Variants in LUZP2 observed in about 807,000 individuals in gnomAD.
The protein encoded by LUZP2 is leucine zipper protein 2.
LUZP2 carries 52 observed loss-of-function variants against 51.6 expected under a neutral mutation model. The observed-to-expected ratio is 1.01, with a 90% CI of 0.81 to 1.27. LUZP2 has a LOEUF of 1.27. LUZP2 is among the 50% of genes most tolerant of loss of function. The pLI is 0.00. For synonymous variants in LUZP2, 154 were observed against 137.3 expected (o/e 1.12, Z -0.85); for missense variants, 436 against 395.4 (o/e 1.10, Z -0.87).
chr11:24,635,187 T>TA (rs11307499), intron 1 of LUZP2, among the ~76,000 whole-genome samples: 4 of 151,032 alleles, frequency 2.6e-5, no homozygotes, highest in African/African-American at 7.3e-5. Context: ...TAAATACAAA[T>TA]AAAAAAAAAT....
chr11:24,711,532 C>A (rs75705076), intron 1 of LUZP2, among the ~76,000 whole-genome samples: 22,253 of 151,986 alleles, frequency 0.15, 1,737 homozygotes, highest in Middle Eastern at 0.18. Context: ...GGGAGTCATG[C>A]AGTGACTGCC....
At chr11:24,959,880 T>C (rs1855340179) in intron 7 of LUZP2, among the ~76,000 whole-genome samples, 2 of 152,196 alleles carry the variant, frequency 1.3e-5, no homozygotes, top group African/African-American at 4.8e-5. Flanking sequence ...ATGATATTGC[T>C]GTGGGTTTGT....
chr11:25,050,454 G>A (rs4922704), intron 10 of LUZP2, among the ~76,000 whole-genome samples: 69,009 of 151,288 alleles, frequency 0.46, 16,241 homozygotes, highest in Non-Finnish European at 0.49. Context: ...ACAGGCGCCC[G>A]CCACCGCGCT....
chr11:24,665,499 A>G (rs1007550859), intron 1 of LUZP2, among the ~76,000 whole-genome samples: 3 of 152,172 alleles, frequency 2.0e-5, no homozygotes, highest in Non-Finnish European at 4.4e-5. Context: ...GGTCAGGGGC[A>G]GAATAATATA....
chr11:24,614,534 A>G (rs1174688400), intron 1 of LUZP2, among the ~76,000 whole-genome samples: 1 of 152,052 alleles, frequency 6.6e-6, no homozygotes, highest in Non-Finnish European at 1.5e-5. Flanking sequence ...CTGCATATTC[A>G]GTACGGCTTA....
chr11:24,947,200 G>A (rs928067554), intron 7 of LUZP2, among the ~76,000 whole-genome samples: 10 of 151,920 alleles, frequency 6.6e-5, no homozygotes, highest in Admixed American at 5.9e-4. Flanking sequence ...TGAAAAATGA[G>A]CATATTATTA....
At chr11:24,704,630 GAACTT>G (rs1274941176) in intron 1 of LUZP2, among the ~76,000 whole-genome samples, 1 of 151,820 alleles carries the variant, frequency 6.6e-6, no homozygotes, top group Non-Finnish European at 1.5e-5. Context: ...ATATATGAGA[GAACTT>G]AAATAAGTGC....
At chr11:24,619,005 A>ATTATTAT (rs1205946436) in intron 1 of LUZP2, among the ~76,000 whole-genome samples, 9 of 143,948 alleles carry the variant, frequency 6.3e-5, no homozygotes, top group East Asian at 4.2e-4. Flanking sequence ...ACCACTTAGC[A>ATTATTAT]TTATTTATTT....
chr11:24,662,471 CATTA>C (rs1481865665), intron 1 of LUZP2, among the ~76,000 whole-genome samples: 2 of 152,020 alleles, frequency 1.3e-5, no homozygotes, highest in South Asian at 2.1e-4. Flanking sequence ...ATATCTCTCC[CATTA>C]ATTAACAAAA....
In LUZP2 at chr11:24,706,424, G is replaced by A. The variant is rs562193466; in HGVS notation, c.63-22745G>A. ...CCCCCTGGGAAGAAGCAAATCCAGT[G>A]TCTATTTCCTGTTAGTAGCACCCAC... On this transcript the variant is annotated intron_variant, in intron 1 of 11. Transcript: ENST00000336930. Among the ~76,000 whole-genome samples the A allele has an allele frequency of 2.6e-5, 4 of 152,194 alleles. No homozygotes were observed. In the East Asian group the frequency reaches 7.7e-4, roughly 29 times the overall value.
intron 1 of LUZP2, among the ~76,000 whole-genome samples, chr11:24,632,746 C>T (rs1030026585): frequency 1.9e-4 from 29 of 151,946 alleles, no homozygotes; most frequent in African/African-American, 6.5e-4. Context: ...CAAGAGGAGA[C>T]TGGATTGTTC....
intron 1 of LUZP2, among the ~76,000 whole-genome samples, chr11:24,692,180 T>C (rs537862789): frequency 6.6e-4 from 100 of 152,056 alleles, no homozygotes; most frequent in African/African-American, 2.2e-3. Context: ...TAAAGCAATC[T>C]AATATTTTAC....
rs184837580 is a variant in LUZP2 at position 24,914,402 on chromosome 11, T to C, written c.460-74T>C. The stretch of plus-strand genomic sequence containing the variant: ...GGCTGCAAAATGTATTCCTGTGAAG[T>C]CTGAAAGTATTTTAATCTTCAAGTT... On this transcript the variant is annotated intron_variant, in intron 6 of 11. Transcript: ENST00000336930. The C allele has an allele frequency of 4.4e-5, 49 of 1,102,240 alleles. No individual in the cohort carries two copies. The East Asian group carries it at 1.1e-3, about 25-fold the overall frequency. The allele number at this position is 1,102,240 out of a possible 1,614,324, so 68.3% of individuals were successfully genotyped here. A position where few individuals can be genotyped will look rare whatever the true frequency, so the allele number is the denominator to read the frequency against.
intron 10 of LUZP2, among the ~76,000 whole-genome samples, chr11:25,061,347 T>C (rs936225300): frequency 6.6e-6 from 1 of 152,204 alleles, no homozygotes; most frequent in African/African-American, 2.4e-5. Context: ...AGTTGGCAGT[T>C]TATTGCCAGA....
intron 7 of LUZP2, among the ~76,000 whole-genome samples, chr11:24,922,751 A>T (rs1189382363): frequency 6.9e-6 from 1 of 144,598 alleles, no homozygotes; most frequent in African/African-American, 2.5e-5. Flanking sequence ...TATCTTATGG[A>T]TTAGAAAACC....
intron 4 of LUZP2, among the ~76,000 whole-genome samples, chr11:24,758,271 C>T (rs928057823): frequency 2.0e-5 from 3 of 151,894 alleles, no homozygotes; most frequent in Non-Finnish European, 4.4e-5. Context: ...TATGTTCTAA[C>T]TCAGAAACCA....
At chr11:24,622,485 A>G (rs1455877992) in intron 1 of LUZP2, among the ~76,000 whole-genome samples, 3 of 151,972 alleles carry the variant, frequency 2.0e-5, no homozygotes, top group African/African-American at 7.2e-5. Flanking sequence ...TGCGGGATTT[A>G]AAGGCCTGAG....
chr11:24,509,057 G>T (rs542516538), intron 1 of LUZP2, among the ~76,000 whole-genome samples: 1 of 152,270 alleles, frequency 6.6e-6, no homozygotes, highest in East Asian at 1.9e-4. Flanking sequence ...ATGGGACAAA[G>T]AACTTGTGTC....
At chr11:24,892,332 G>A in intron 5 of LUZP2, 1 of 985,392 alleles carries the variant, frequency 1.0e-6, no homozygotes, top group Non-Finnish European at 1.2e-6. Flanking sequence ...GGCCTCGAAA[G>A]ACATTCAAAT....
Sources: allele counts gnomAD v4.1 joint callset (sites outside exome capture counted in the v4.1 genomes callset), GRCh38; gene constraint gnomAD v4.1.1; transcripts MANE v1.5; gene names NCBI Gene and HGNC (gene_info 2026-07-23, HGNC 2026-07-21).